Variants in IL18RAP observed in about 807,000 individuals in gnomAD.
IL18RAP encodes interleukin 18 receptor accessory protein, also known as interleukin-18 receptor accessory protein.
Under a neutral mutation model 58.1 loss-of-function variants are expected in IL18RAP, and 37 were observed. The observed-to-expected ratio is 0.64, with a 90% confidence interval of 0.49 to 0.84. The LOEUF (loss-of-function observed/expected upper bound fraction) is 0.84. IL18RAP is among the 40% of genes least tolerant of loss of function. IL18RAP has a pLI of 0.00. For missense variants in IL18RAP, 667 were observed against 704.8 expected, an observed-to-expected ratio of 0.95 and a Z score of 0.61; for synonymous variants, 268 against 257.5, an observed-to-expected ratio of 1.04 and a Z score of -0.39.
Position 102,447,074 on chromosome 2 carries a change from G to GCTC in IL18RAP, c.1080_1082dup (p.Leu361dup). On this transcript the variant is annotated inframe_insertion, in exon 8 of 10. Transcript: ENST00000687160. ...ATACTGGCCCTGTCTCCACAGTGGT[G>GCTC]CTCCTGTACATCCTGCTTGGCACCA... 1 of 1,613,818 alleles carries GCTC rather than the reference G, an allele frequency of 6.2e-7. No individual in the cohort carries two copies. Among genetic ancestry groups the GCTC allele is most frequent in the Non-Finnish European group, 8.5e-7 (1 of 1,179,932 alleles).
intron 5 of IL18RAP, 123 bp downstream of exon 5, chr2:102,441,500 C>T: frequency 1.4e-6 from 1 of 718,920 alleles, no homozygotes. Context: ...CTTAACTCAG[C>T]CATTGACTAG....
chr2:102,427,810 T>C (rs1682053833), intron 3 of IL18RAP, among the ~76,000 whole-genome samples: 1 of 152,018 alleles, frequency 6.6e-6, no homozygotes, highest in South Asian at 2.1e-4. Flanking sequence ...TATGTTTTCT[T>C]TTAGAAGTTT....
At chr2:102,431,186 CT>C (rs1364212621) in intron 3 of IL18RAP, among the ~76,000 whole-genome samples, 1 of 152,180 alleles carries the variant, frequency 6.6e-6, no homozygotes, top group Non-Finnish European at 1.5e-5. Flanking sequence ...TGAAGGACAG[CT>C]TTGCTTGGTT....
chr2:102,441,809 A>T (rs2104362081), intron 5 of IL18RAP, among the ~76,000 whole-genome samples: 1 of 152,092 alleles, frequency 6.6e-6, no homozygotes, highest in South Asian at 2.1e-4. Flanking sequence ...AATCACCTGA[A>T]CCTGGGAGGC....
At chr2:102,419,643 A>G (rs914893897), upstream of IL18RAP, 11 of 152,358 alleles carry the variant, frequency 7.2e-5, no homozygotes, top group Middle Eastern at 3.1e-3. Flanking sequence ...CAAAAAACGC[A>G]TCTGGAAAAT....
intron 3 of IL18RAP, among the ~76,000 whole-genome samples, chr2:102,425,892 C>A (rs1681905651): frequency 6.6e-6 from 1 of 152,104 alleles, no homozygotes; most frequent in African/African-American, 2.4e-5. Context: ...CAAAAGGAAG[C>A]TTTGTTTCAC....
rs928364392 is a variant in IL18RAP at position 102,424,397 on chromosome 2, G to C, written c.562G>C (p.Ala188Pro). ...CTGCCAAAGTGATGCACAAAGTCCA[G>C]CGGTAACCTGGTACAAGGTAAGAGT... ...LSCQSDAQSP[A>P]VTWYKNGKLL... The change falls in exon 3 of 10, where the codon GCG becomes CCG. Residue 188 changes from alanine (A) to proline (P), a missense_variant. By Grantham distance (27) the Ala-to-Pro change is conservative (BLOSUM62 -1). Coordinates refer to ENST00000687160, the MANE Select transcript of IL18RAP (RefSeq NM_001393487.1). 1.2e-6 allele frequency: 2 copies of C among 1,613,868 alleles called. No individual in the cohort carries two copies.
In IL18RAP at chr2:102,437,225, T is replaced by C. The variant is rs1682807145; in HGVS notation, c.593T>C (p.Leu198Pro). 6.2e-7 allele frequency: 1 copy of C among 1,609,880 alleles called. No homozygotes were observed. Among genetic ancestry groups the C allele is most frequent in the Non-Finnish European group, 8.5e-7 (1 of 1,178,798 alleles). The change falls in exon 4 of 10, where the codon CTC becomes CCC. Residue 198 changes from leucine to proline, a missense_variant. Coordinates refer to ENST00000687160, the MANE Select transcript of IL18RAP (RefSeq NM_001393487.1). ...CTTTTGGATTAGAATGGAAAACTCCTCTCTGTGGAAAGGAGCAACCGAATC... is the reference window on the plus strand; with the variant it reads ...CTTTTGGATTAGAATGGAAAACTCCCCTCTGTGGAAAGGAGCAACCGAATC... ...AVTWYKNGKL[L>P]SVERSNRIVV...
chr2:102,421,142 C>T (rs779691843), upstream of IL18RAP, among the ~76,000 whole-genome samples: 3 of 152,166 alleles, frequency 2.0e-5, no homozygotes, highest in Non-Finnish European at 2.9e-5. Flanking sequence ...GAAAGACAAA[C>T]TCAGTTCCTG....
At chr2:102,443,086 C>T in intron 5 of IL18RAP, 114 bp from the exon 6 acceptor site, 2 of 961,510 alleles carry the variant, frequency 2.1e-6, no homozygotes, top group East Asian at 5.0e-5. Context: ...ACATATTCTA[C>T]CTGCAAACCT....
chr2:102,432,128 T>A (rs1277146270), intron 3 of IL18RAP, among the ~76,000 whole-genome samples: 2 of 152,100 alleles, frequency 1.3e-5, no homozygotes, highest in African/African-American at 2.4e-5. Context: ...GTGGGCTAGT[T>A]GGTAGCAATC....
chr2:102,437,284 A>G lies in IL18RAP; in HGVS notation c.652A>G (p.Thr218Ala). 1 of 1,613,928 alleles carries G rather than the reference A, an allele frequency of 6.2e-7. No homozygotes were observed. Among genetic ancestry groups the G allele is most frequent in the South Asian group, 1.1e-5 (1 of 91,016 alleles). ...VDEVYDYHQG[T>A]YVCDYTQSDT... ...TGAAGTTTATGACTATCACCAGGGC[A>G]CATATGTATGTGATTACACTCAGTC... Residue 218 changes from threonine (T) to alanine (A), a missense_variant, in exon 4 of 10, where the codon ACA (threonine) becomes GCA (alanine). Thr to Ala is a moderately conservative substitution (Grantham distance 58, BLOSUM62 0). Transcript: ENST00000687160.
chr2:102,425,013 C>T (rs1157274500), intron 3 of IL18RAP, among the ~76,000 whole-genome samples: 1 of 152,178 alleles, frequency 6.6e-6, no homozygotes, highest in East Asian at 1.9e-4. Context: ...AACAAAAGCA[C>T]TTCATGTTTC....
At chr2:102,420,923 A>C (rs796769479), upstream of IL18RAP, among the ~76,000 whole-genome samples, 1 of 152,308 alleles carries the variant, frequency 6.6e-6, no homozygotes, top group African/African-American at 2.4e-5. Context: ...CACAGAATTT[A>C]TTACTAATTG....
At chr2:102,442,180 A>G (rs550408288) in intron 5 of IL18RAP, among the ~76,000 whole-genome samples, 23 of 152,166 alleles carry the variant, frequency 1.5e-4, no homozygotes, top group Non-Finnish European at 3.1e-4. Flanking sequence ...TTGAGGAGAA[A>G]TTGACTTCCC....
rs1178695041 is a variant in IL18RAP at position 102,447,086 on chromosome 2, C to A, written c.1089C>A (p.Ile363=). The A allele has an allele frequency of 1.9e-6, 3 of 1,613,998 alleles. No individual in the cohort carries two copies. The highest frequency in any genetic ancestry group is 2.5e-6 in the Non-Finnish European group (3 of 1,179,968). ...TCTCCACAGTGGTGCTCCTGTACAT[C>A]CTGCTTGGCACCATCGGGACCCTGG... The part of the protein sequence containing the change: ...KEKRGVVLLY[I]LLGTIGTLVA... The change falls in exon 8 of 10, where the codon ATC becomes ATA. Residue 363 remains isoleucine, a synonymous_variant. Transcript: ENST00000687160.
chr2:102,449,363 ATTTAT>A (rs1683624464), intron 8 of IL18RAP, among the ~76,000 whole-genome samples: 2 of 152,210 alleles, frequency 1.3e-5, no homozygotes, highest in South Asian at 2.1e-4. Context: ...TGTTTTTAAG[ATTTAT>A]TTTAATAACT....
At chr2:102,449,399 T>C (rs541721395) in intron 8 of IL18RAP, among the ~76,000 whole-genome samples, 12 of 152,356 alleles carry the variant, frequency 7.9e-5, no homozygotes, top group African/African-American at 2.9e-4. Flanking sequence ...AAGCAAATTA[T>C]GTAATCAAGG....
chr2:102,424,287 C>T lies in IL18RAP; in HGVS notation c.452C>T (p.Thr151Ile). 1.9e-6 allele frequency: 3 copies of T among 1,614,112 alleles called. No homozygotes were observed. The highest frequency in any genetic ancestry group is 2.5e-6 in the Non-Finnish European group (3 of 1,179,976). ...VKMILEVKPQ[T>I]NASCEYSASH... ...ATGATTTTAGAAGTTAAGCCCCAGA[C>T]AAATGCATCCTGTGAGTATTCCGCA... Residue 151 changes from threonine to isoleucine, a missense_variant, in exon 3 of 10, where the codon ACA becomes ATA. Physicochemically the swap from Thr to Ile is moderately conservative, Grantham distance 89. Coordinates refer to ENST00000687160, the MANE Select transcript of IL18RAP (RefSeq NM_001393487.1).
Sources: allele counts gnomAD v4.1 joint callset (sites outside exome capture counted in the v4.1 genomes callset), GRCh38; gene constraint gnomAD v4.1.1; transcripts MANE v1.5; gene names NCBI Gene and HGNC (gene_info 2026-07-23, HGNC 2026-07-21).